PITPNA: variants seen among roughly 807,000 people sequenced by gnomAD.
The protein encoded by PITPNA is phosphatidylinositol transfer protein alpha, also known as phosphatidylinositol transfer protein alpha isoform.
Under a neutral mutation model 50.3 loss-of-function variants are expected in PITPNA, and 13 were observed. That is an observed-to-expected ratio of 0.26 (90% CI 0.17 to 0.41). PITPNA has a LOEUF of 0.41. Among genes scored for constraint, PITPNA ranks in the 10% least tolerant of loss-of-function variants. The pLI is 1.00. For missense variants in PITPNA, 207 were observed against 333.4 expected, an observed-to-expected ratio of 0.62 and a Z score of 2.95; for synonymous variants, 120 against 119.6, an observed-to-expected ratio of 1.00 and a Z score of -0.02.
intron 3 of PITPNA, among the ~76,000 whole-genome samples, chr17:1,550,010 T>C (rs1369642372): frequency 6.6e-6 from 1 of 152,176 alleles, no homozygotes; most frequent in Non-Finnish European, 1.5e-5. Context: ...GTCCAGTCTT[T>C]GGCAAGCTCT....
chr17:1,548,264 T>C (rs1598411186), intron 4 of PITPNA, 32 bp downstream of exon 4: 1 of 1,482,822 alleles, frequency 6.7e-7, no homozygotes. Context: ...TGCCCGCCCC[T>C]GCCTGGCCGA....
chr17:1,535,925 T>G, intron 7 of PITPNA: 1 of 194,396 alleles, frequency 5.1e-6, no homozygotes, highest in South Asian at 9.3e-5. Context: ...CACAGATTTG[T>G]TTTTTGTTTT....
Position 1,562,135 on chromosome 17 carries a change from C to T in PITPNA, c.20+406G>A, listed in dbSNP as rs1340041220. Among the ~76,000 whole-genome samples the T allele has an allele frequency of 1.3e-5, 2 of 152,172 alleles. No homozygotes were observed. Among genetic ancestry groups the T allele is most frequent in the Admixed American group, 1.3e-4 (2 of 15,280 alleles). ...TGACCCCGTCTCGGGCCTGGCCTCG[C>T]CCTCGCTGTCCCCGGCCTCTCCTCG... On this transcript the variant is annotated intron_variant, in intron 1 of 11. Coordinates refer to ENST00000313486, the MANE Select transcript of PITPNA (RefSeq NM_006224.4). This position sits in a 1 kb window ranked among gnomAD's most constrained non-coding sequence, Gnocchi z 6.4.
At chr17:1,560,420 C>T (rs975325537) in intron 1 of PITPNA, among the ~76,000 whole-genome samples, 5 of 152,222 alleles carry the variant, frequency 3.3e-5, no homozygotes, top group Non-Finnish European at 7.3e-5. Flanking sequence ...CCCCGTCCCC[C>T]GCCCAGGGAT....
At chr17:1,546,606 G>T (rs938994096) in intron 4 of PITPNA, among the ~76,000 whole-genome samples, 1 of 152,044 alleles carries the variant, frequency 6.6e-6, no homozygotes, top group Non-Finnish European at 1.5e-5. Flanking sequence ...GCCCAACACT[G>T]TCTGTACCCA....
intron 1 of PITPNA, among the ~76,000 whole-genome samples, chr17:1,560,969 G>T (rs999568579): frequency 1.3e-5 from 2 of 152,142 alleles, no homozygotes; most frequent in Non-Finnish European, 2.9e-5. Flanking sequence ...CAGCCTGGTG[G>T]GGATGGTCAA....
intron 7 of PITPNA, among the ~76,000 whole-genome samples, chr17:1,537,850 G>C (rs959259819): frequency 3.3e-5 from 5 of 152,060 alleles, no homozygotes; most frequent in Admixed American, 3.3e-4. Flanking sequence ...GCCCAGGCTG[G>C]AGTGCGATGG....
At chr17:1,521,200 G>A (rs1243025338) in intron 11 of PITPNA, among the ~76,000 whole-genome samples, 1 of 152,218 alleles carries the variant, frequency 6.6e-6, no homozygotes, top group Non-Finnish European at 1.5e-5. Context: ...TTCCAAGGGG[G>A]AAGGGCAGGT....
intron 4 of PITPNA, among the ~76,000 whole-genome samples, chr17:1,547,506 C>T (rs2075681820): frequency 6.6e-6 from 1 of 151,602 alleles, no homozygotes; most frequent in Non-Finnish European, 1.5e-5. Context: ...AAAAATTAGC[C>T]GGGCATGGTG....
intron 10 of PITPNA, among the ~76,000 whole-genome samples, chr17:1,523,292 T>G (rs1166915772): frequency 1.3e-5 from 2 of 152,222 alleles, no homozygotes; most frequent in African/African-American, 4.8e-5. Context: ...TTTATAATGT[T>G]CAACAAATTT....
intron 10 of PITPNA, among the ~76,000 whole-genome samples, chr17:1,526,337 G>A (rs75383531): frequency 0.1 from 15,734 of 152,280 alleles, 928 homozygotes; most frequent in East Asian, 0.14. Context: ...GCACCAGATG[G>A]ACAGAAAGGA....
At chr17:1,531,396 A>G (rs2151004507) in intron 10 of PITPNA, among the ~76,000 whole-genome samples, 1 of 152,176 alleles carries the variant, frequency 6.6e-6, no homozygotes, top group Non-Finnish European at 1.5e-5. Flanking sequence ...ACCGAGTACA[A>G]GCGGGCGCCT....
At position 1,534,120 on chromosome 17, in the gene PITPNA, C is replaced by T. The variant is rs780518060; in HGVS notation, c.747G>A (p.Glu249=). The T allele has an allele frequency of 5.0e-6, 8 of 1,613,896 alleles. No individual in the cohort carries two copies. The Middle Eastern group carries it at 4.9e-4, about 100-fold the overall frequency. ...TTACTTCATCCAGCTGTCTCTTCGTCTCTTCTTCCATCCTTCGAATGTCGT... is the reference window on the plus strand; with the variant it reads ...TTACTTCATCCAGCTGTCTCTTCGTTTCTTCTTCCATCCTTCGAATGTCGT... ...TMDDIRRMEE[E]TKRQLDEMRQ... Residue 249 remains glutamate (E), a synonymous_variant, in exon 10 of 12, where the codon GAG becomes GAA. Coordinates refer to ENST00000313486, the MANE Select transcript of PITPNA (RefSeq NM_006224.4).
Position 1,520,429 on chromosome 17 carries a change from G to C in PITPNA, c.*132C>G, listed in dbSNP as rs1320938789. The C allele has an allele frequency of 6.6e-6, 1 of 152,668 alleles. No individual in the cohort carries two copies. The highest frequency in any genetic ancestry group is 6.5e-5 in the Admixed American group (1 of 15,280). 9.5% of individuals were successfully genotyped at this position (152,668 alleles called of 1,614,324 possible). A position where few individuals can be genotyped will look rare whatever the true frequency, so the allele number is the denominator to read the frequency against. On this transcript the variant is annotated 3_prime_UTR_variant, in exon 12 of 12. Coordinates refer to ENST00000313486, the MANE Select transcript of PITPNA (RefSeq NM_006224.4). ...GGCATCTAGAATTAGCTACAGTAAG[G>C]AATCGAAAGTTGCCTGAAGAATGGG...
At chr17:1,548,438 G>T in intron 3 of PITPNA, 51 bp from the exon 4 acceptor site, 1 of 1,275,378 alleles carries the variant, frequency 7.8e-7, no homozygotes, top group Non-Finnish European at 1.1e-6. Context: ...AGAGAAAGGA[G>T]ACAAGAGGCT....
intron 10 of PITPNA, among the ~76,000 whole-genome samples, chr17:1,524,693 A>C (rs1160489371): frequency 1.3e-5 from 2 of 151,992 alleles, no homozygotes; most frequent in Non-Finnish European, 2.9e-5. Flanking sequence ...TAAAAATACA[A>C]AAAATATTAT....
intron 10 of PITPNA, among the ~76,000 whole-genome samples, chr17:1,527,332 C>T (rs1403100521): frequency 6.6e-6 from 1 of 152,136 alleles, no homozygotes; most frequent in Admixed American, 6.5e-5. Context: ...CAATCTCTGC[C>T]TCCTGGGTTC....
chr17:1,544,033 G>C (rs1567583165), intron 4 of PITPNA, among the ~76,000 whole-genome samples: 1 of 152,214 alleles, frequency 6.6e-6, no homozygotes, highest in Non-Finnish European at 1.5e-5. Flanking sequence ...GCCATCCCTG[G>C]AGTGGGGGCA....
intron 6 of PITPNA, 35 bp downstream of exon 6, chr17:1,541,531 C>A: frequency 6.7e-7 from 1 of 1,485,644 alleles, no homozygotes; most frequent in Non-Finnish European, 9.4e-7. Context: ...AGACTCAAGA[C>A]CTCACCCCTG....
Sources: allele counts gnomAD v4.1 joint callset (sites outside exome capture counted in the v4.1 genomes callset), GRCh38; gene constraint gnomAD v4.1.1; non-coding constraint Gnocchi (gnomAD v3.1); transcripts MANE v1.5; gene names NCBI Gene and HGNC (gene_info 2026-07-23, HGNC 2026-07-21).